The following CTIF variants were observed in gnomAD, a reference collection of about 807,000 sequenced individuals.
The protein encoded by CTIF is CBP80/20-dependent translation initiation factor.
A neutral mutation model predicts 66.0 loss-of-function variants in CTIF; 21 were observed. The ratio of observed to expected loss-of-function variants is 0.32; its 90% confidence interval spans 0.23 to 0.46. CTIF has a LOEUF of 0.46. Ranked by LOEUF, CTIF falls within the 20% of genes least tolerant of loss-of-function variation. The probability of loss-of-function intolerance (pLI) is 1.00; values close to 1 mark genes in which losing one functional copy is unlikely to be tolerated. For missense variants in CTIF, 739 were observed against 812.7 expected (o/e 0.91, Z 1.10); for synonymous variants, 345 against 326.4 (o/e 1.06, Z -0.62).
At chr18:48,756,105 C>G (rs989792600) in intron 7 of CTIF, 2 of 152,202 alleles carry the variant, frequency 1.3e-5, no homozygotes, top group African/African-American at 4.8e-5. Context: ...AAGGGGCAGC[C>G]TAGCAAGACA....
At chr18:48,666,721 A>G (rs1230474252) in intron 5 of CTIF, among the ~76,000 whole-genome samples, 1 of 152,074 alleles carries the variant, frequency 6.6e-6, no homozygotes, top group Non-Finnish European at 1.5e-5. Flanking sequence ...AGCATAGGAG[A>G]GACACAGCTG....
At chr18:48,658,411 C>T (rs564464084) in intron 3 of CTIF, among the ~76,000 whole-genome samples, 16 of 88,776 alleles carry the variant, frequency 1.8e-4, no homozygotes, top group Admixed American at 8.5e-4. Flanking sequence ...GGTGTGTGCA[C>T]ATATGTGTGT....
intron 9 of CTIF, among the ~76,000 whole-genome samples, chr18:48,782,496 G>A (rs922443664): frequency 1.3e-5 from 2 of 152,220 alleles, no homozygotes; most frequent in Non-Finnish European, 2.9e-5. Context: ...GGAGCTGGCA[G>A]GGGTGACAAG....
intron 5 of CTIF, among the ~76,000 whole-genome samples, chr18:48,667,734 C>G (rs936290070): frequency 1.3e-5 from 2 of 152,238 alleles, no homozygotes; most frequent in African/African-American, 4.8e-5. Flanking sequence ...GTCTCACTTT[C>G]TCACCAGGAG....
intron 9 of CTIF, among the ~76,000 whole-genome samples, chr18:48,765,665 G>T (rs953426897): frequency 2.0e-5 from 3 of 152,160 alleles, no homozygotes; most frequent in Non-Finnish European, 2.9e-5. Context: ...AAGGGAGAAG[G>T]TTTAAGGTCC....
chr18:48,550,802 G>A (rs2088863958), intron 1 of CTIF, among the ~76,000 whole-genome samples: 1 of 152,056 alleles, frequency 6.6e-6, no homozygotes. Context: ...CCGGCCACAG[G>A]GTCCATGCTT....
intron 7 of CTIF, among the ~76,000 whole-genome samples, chr18:48,744,549 C>T (rs754955452): frequency 2.0e-5 from 3 of 152,174 alleles, no homozygotes; most frequent in Admixed American, 6.5e-5. Context: ...TTCTCTCTCT[C>T]GTATACATTT....
intron 6 of CTIF, among the ~76,000 whole-genome samples, chr18:48,705,832 C>T (rs2092145152): frequency 6.6e-6 from 1 of 152,270 alleles, no homozygotes; most frequent in Non-Finnish European, 1.5e-5. Flanking sequence ...CCTGGCAGAA[C>T]CTTCCCTGAC....
intron 6 of CTIF, among the ~76,000 whole-genome samples, chr18:48,677,023 C>T (rs1365506623): frequency 1.3e-5 from 2 of 152,092 alleles, no homozygotes; most frequent in African/African-American, 4.8e-5. Context: ...GCGGCTGGGG[C>T]TGCCCCACAC....
chr18:48,545,905 G>C (rs892881688), intron 1 of CTIF, among the ~76,000 whole-genome samples: 3 of 152,194 alleles, frequency 2.0e-5, no homozygotes, highest in Non-Finnish European at 4.4e-5. Flanking sequence ...GAAGCCAGGC[G>C]GGGATGCTGT....
chr18:48,780,197 T>G (rs1394572347), intron 9 of CTIF, among the ~76,000 whole-genome samples: 1 of 152,146 alleles, frequency 6.6e-6, no homozygotes, highest in Non-Finnish European at 1.5e-5. Context: ...CTAGAGCCTG[T>G]GCGCTATGTC....
chr18:48,655,603 A>T (rs2091234786), intron 3 of CTIF, among the ~76,000 whole-genome samples: 1 of 152,138 alleles, frequency 6.6e-6, no homozygotes, highest in Non-Finnish European at 1.5e-5. Context: ...TATCTCTCTC[A>T]TGCCCAGAGC....
chr18:48,843,803 C>T (rs1314911595), intron 10 of CTIF, among the ~76,000 whole-genome samples: 1 of 152,166 alleles, frequency 6.6e-6, no homozygotes, highest in Non-Finnish European at 1.5e-5. Flanking sequence ...CACCTTTGGC[C>T]GGCCTCTCCC....
intron 1 of CTIF, among the ~76,000 whole-genome samples, chr18:48,553,344 C>T (rs867994675): frequency 1.3e-5 from 2 of 152,218 alleles, no homozygotes; most frequent in Non-Finnish European, 2.9e-5. Context: ...CAGCCACGGG[C>T]GTGGCAAGCC....
intron 1 of CTIF, among the ~76,000 whole-genome samples, chr18:48,540,532 G>A (rs902436884): frequency 2.0e-5 from 3 of 151,704 alleles, no homozygotes; most frequent in African/African-American, 7.3e-5. Flanking sequence ...GGGGTGGTCC[G>A]AGCCCGTTAT....
At chr18:48,846,830 G>A (rs2069090230) in intron 10 of CTIF, among the ~76,000 whole-genome samples, 1 of 151,610 alleles carries the variant, frequency 6.6e-6, no homozygotes, top group African/African-American at 2.4e-5. Flanking sequence ...TGGATAGATA[G>A]ATGAATGAAA....
chr18:48,621,641 G>A, intron 2 of CTIF: 1 of 321,486 alleles, frequency 3.1e-6, no homozygotes, highest in Admixed American at 4.6e-5. Context: ...TGCCAGGCCA[G>A]GTAAGAGGGG....
chr18:48,627,456 C>T (rs142192942), intron 2 of CTIF, among the ~76,000 whole-genome samples: 133 of 152,078 alleles, frequency 8.7e-4, no homozygotes, highest in Middle Eastern at 3.4e-3. Context: ...AGGTGACTCA[C>T]GCCTGTAATC....
At chr18:48,675,004 AGACT>A (rs2091601381) in intron 6 of CTIF, among the ~76,000 whole-genome samples, 1 of 139,868 alleles carries the variant, frequency 7.1e-6, no homozygotes, top group African/African-American at 2.6e-5. Context: ...AGGCCAGTTG[AGACT>A]GACATTGCTC....
Sources: gnomAD v4.1 joint callset for allele counts (sites outside exome capture counted in the v4.1 genomes callset) on GRCh38, gnomAD v4.1.1 for gene constraint, MANE v1.5 for transcripts, NCBI Gene and HGNC (gene_info 2026-07-23, HGNC 2026-07-21) for gene names.